Variants in TNIK observed in about 807,000 individuals in gnomAD.
The protein encoded by TNIK is TRAF2 and NCK-interacting protein kinase.
In TNIK, 49 loss-of-function variants were observed where a neutral mutation model predicts 191.3. The ratio of observed to expected loss-of-function variants is 0.26; its 90% CI spans 0.20 to 0.32. The LOEUF is 0.32. TNIK is among the 10% of genes least tolerant of loss of function. The probability of loss-of-function intolerance (pLI) is 1.00; values close to 1 mark genes in which losing one functional copy is unlikely to be tolerated. For synonymous variants in TNIK, 594 were observed against 600.9 expected (o/e 0.99, Z 0.17); for missense variants, 1,155 against 1,702.3 (o/e 0.68, Z 5.66).
chr3:171,458,386 TAGAC>T, intron 1 of TNIK, among the ~76,000 whole-genome samples: 1 of 152,064 alleles, frequency 6.6e-6, no homozygotes, highest in Non-Finnish European at 1.5e-5. Flanking sequence ...TCCAGGGAAA[TAGAC>T]AGCTTCCTGT....
At chr3:171,180,949 G>C (rs1026196182) in intron 7 of TNIK, among the ~76,000 whole-genome samples, 1 of 152,196 alleles carries the variant, frequency 6.6e-6, no homozygotes, top group African/African-American at 2.4e-5. Flanking sequence ...CCAGTTTCAT[G>C]CTATAAAACT....
intron 2 of TNIK, among the ~76,000 whole-genome samples, chr3:171,331,610 G>A (rs1577506438): frequency 1.3e-5 from 2 of 152,166 alleles, no homozygotes; most frequent in East Asian, 3.8e-4. Flanking sequence ...TCAAATACAA[G>A]TCTATTTTGG....
At chr3:171,151,980 T>A (rs1031530489) in intron 12 of TNIK, among the ~76,000 whole-genome samples, 1 of 152,126 alleles carries the variant, frequency 6.6e-6, no homozygotes, top group Non-Finnish European at 1.5e-5. Flanking sequence ...TTGGTTACCC[T>A]AAGAGAAGAG....
Position 171,344,200 on chromosome 3 carries a change from G to A in TNIK, c.123+25420C>T, listed in dbSNP as rs115005220. ...AGCACAGCTTTAGTATTCATTTTAC[G>A]TTCACATTTCTGGGAGTTACAAACA... On this transcript the variant is annotated intron_variant, in intron 2 of 32. Transcript: ENST00000436636. Among the ~76,000 whole-genome samples, 1,119 of 152,092 alleles carry A rather than the reference G, an allele frequency of 7.4e-3. 7 individuals are homozygous for A. Among genetic ancestry groups the A allele is most frequent in the African/African-American group, 0.01 (418 of 41,494 alleles).
At chr3:171,309,073 C>T (rs1700617016) in intron 2 of TNIK, among the ~76,000 whole-genome samples, 1 of 152,130 alleles carries the variant, frequency 6.6e-6, no homozygotes, top group African/African-American at 2.4e-5. Flanking sequence ...GAATATAAAT[C>T]ATTCTACCAT....
intron 1 of TNIK, among the ~76,000 whole-genome samples, chr3:171,399,479 T>C (rs1287772153): frequency 6.6e-6 from 1 of 152,192 alleles, no homozygotes; most frequent in Non-Finnish European, 1.5e-5. Context: ...CAAGCAATTC[T>C]GCTCAAGGTT....
intron 22 of TNIK, among the ~76,000 whole-genome samples, chr3:171,094,291 C>A (rs577544103): frequency 6.6e-6 from 1 of 152,018 alleles, no homozygotes; most frequent in Non-Finnish European, 1.5e-5. Context: ...CCCACCACCA[C>A]GCCCAGCTAA....
At chr3:171,177,288 G>A (rs1205735190) in intron 8 of TNIK, 38 bp downstream of exon 8, 4 of 1,590,660 alleles carry the variant, frequency 2.5e-6, no homozygotes, top group Admixed American at 3.5e-5. Context: ...CTGCAGAGCA[G>A]ACCAGCAACA....
intron 2 of TNIK, among the ~76,000 whole-genome samples, chr3:171,331,098 C>A (rs940142122): frequency 1.2e-4 from 19 of 152,208 alleles, no homozygotes; most frequent in Admixed American, 5.2e-4. Context: ...GAAACAGCAG[C>A]ACATGTTCTG....
At chr3:171,214,582 C>T (rs1184394625) in intron 3 of TNIK, among the ~76,000 whole-genome samples, 1 of 152,146 alleles carries the variant, frequency 6.6e-6, no homozygotes, top group Non-Finnish European at 1.5e-5. Context: ...GCACAAGGAT[C>T]AAGCCCTCTG....
chr3:171,335,371 TAC>T (rs1245983307), intron 2 of TNIK, among the ~76,000 whole-genome samples: 10 of 152,228 alleles, frequency 6.6e-5, no homozygotes, highest in East Asian at 1.9e-4. Flanking sequence ...AACAAATGTA[TAC>T]AGTCACATAA....
chr3:171,075,276 T>C (rs908557262), intron 28 of TNIK, among the ~76,000 whole-genome samples: 4 of 152,244 alleles, frequency 2.6e-5, no homozygotes, highest in African/African-American at 4.8e-5. Context: ...TTGTTTCTAT[T>C]GCTTTCCCCT....
intron 10 of TNIK, among the ~76,000 whole-genome samples, chr3:171,164,914 G>A (rs1040924353): frequency 1.3e-5 from 2 of 152,278 alleles, no homozygotes; most frequent in South Asian, 2.1e-4. Flanking sequence ...ATGAGCCACC[G>A]TTTTGGCCTA....
At chr3:171,221,113 A>T (rs1478986578) in intron 3 of TNIK, among the ~76,000 whole-genome samples, 1 of 152,200 alleles carries the variant, frequency 6.6e-6, no homozygotes, top group Non-Finnish European at 1.5e-5. Flanking sequence ...TAGCATACAG[A>T]ATTGAAGCAC....
chr3:171,322,300 T>C (rs994703978), intron 2 of TNIK, among the ~76,000 whole-genome samples: 22 of 152,092 alleles, frequency 1.4e-4, no homozygotes, highest in Non-Finnish European at 2.9e-4. Context: ...GTTCAATACA[T>C]TACTAATTAA....
At chr3:171,374,470 TTTGC>T (rs1308497995) in intron 1 of TNIK, among the ~76,000 whole-genome samples, 3 of 152,156 alleles carry the variant, frequency 2.0e-5, no homozygotes, top group Admixed American at 6.5e-5. Flanking sequence ...CCCTCTTGTG[TTTGC>T]TTAGCTGCTC....
intron 2 of TNIK, among the ~76,000 whole-genome samples, chr3:171,346,684 T>C (rs1712253414): frequency 6.6e-6 from 1 of 151,658 alleles, no homozygotes; most frequent in African/African-American, 2.4e-5. Flanking sequence ...AACAGTTTTG[T>C]GAGAAAGTGA....
intron 1 of TNIK, among the ~76,000 whole-genome samples, chr3:171,374,136 G>C (rs1317891953): frequency 6.6e-6 from 1 of 152,148 alleles, no homozygotes; most frequent in Non-Finnish European, 1.5e-5. Flanking sequence ...CACAAAAAAT[G>C]GGATCAGAAT....
chr3:171,153,370 C>T (rs1436006194), intron 12 of TNIK, among the ~76,000 whole-genome samples: 2 of 151,714 alleles, frequency 1.3e-5, no homozygotes, highest in African/African-American at 4.8e-5. Context: ...TATTTTTGAC[C>T]CCTCTTCTAT....
Sources: allele counts gnomAD v4.1 joint callset (sites outside exome capture counted in the v4.1 genomes callset), GRCh38; gene constraint gnomAD v4.1.1; transcripts MANE v1.5; gene names NCBI Gene and HGNC (gene_info 2026-07-23, HGNC 2026-07-21).